Variants in FARS2 observed in about 807,000 individuals in gnomAD.
FARS2 encodes the protein phenylalanyl-tRNA synthetase 2, mitochondrial, also known as phenylalanine--tRNA ligase, mitochondrial.
FARS2 carries 40 observed loss-of-function variants against 46.4 expected under a neutral mutation model. That is an observed-to-expected ratio of 0.86 (90% CI 0.67 to 1.12). The LOEUF (loss-of-function observed/expected upper bound fraction) is 1.12. FARS2 is among the 50% of genes most tolerant of loss of function. The pLI is 0.00. For missense variants in FARS2, 513 were observed against 567.9 expected, an observed-to-expected ratio of 0.90 and a Z score of 0.98; for synonymous variants, 234 against 214.9, an observed-to-expected ratio of 1.09 and a Z score of -0.78.
chr6:5,554,506 ATATGAGGCCTGGGAGTTTCTT>A (rs1245487396), intron 5 of FARS2, among the ~76,000 whole-genome samples: 1 of 152,198 alleles, frequency 6.6e-6, no homozygotes, highest in Non-Finnish European at 1.5e-5. Flanking sequence ...GTGCTGCATG[ATATGAGGCCTGGGAGTTTCTT>A]AAGGCCAGGA....
At chr6:5,480,321 T>C (rs1766378248) in intron 4 of FARS2, among the ~76,000 whole-genome samples, 1 of 152,186 alleles carries the variant, frequency 6.6e-6, no homozygotes, top group South Asian at 2.1e-4. Context: ...AAGTGGAGGA[T>C]GTAATTTGTC....
intron 6 of FARS2, among the ~76,000 whole-genome samples, chr6:5,653,967 C>A (rs1777491620): frequency 6.6e-6 from 1 of 152,146 alleles, no homozygotes; most frequent in Non-Finnish European, 1.5e-5. Flanking sequence ...CTGGGCAGTC[C>A]TTGGCAGTCT....
intron 6 of FARS2, among the ~76,000 whole-genome samples, chr6:5,706,559 C>T (rs1047535133): frequency 3.3e-5 from 5 of 152,176 alleles, no homozygotes; most frequent in Non-Finnish European, 5.9e-5. Flanking sequence ...GGAGTCCTGA[C>T]AGTAGCCCAG....
At chr6:5,348,804 A>G (rs914312001) in intron 1 of FARS2, among the ~76,000 whole-genome samples, 1 of 152,124 alleles carries the variant, frequency 6.6e-6, no homozygotes, top group East Asian at 1.9e-4. Flanking sequence ...AAAACTCTCA[A>G]CAAACTAGGG....
At chr6:5,326,867 A>G (rs936306673) in intron 1 of FARS2, among the ~76,000 whole-genome samples, 2 of 152,232 alleles carry the variant, frequency 1.3e-5, no homozygotes, top group Admixed American at 1.3e-4. Context: ...TACACTTAGC[A>G]TTAATTTACA....
At chr6:5,539,522 G>A (rs369293603) in intron 4 of FARS2, among the ~76,000 whole-genome samples, 40 of 151,496 alleles carry the variant, frequency 2.6e-4, no homozygotes, top group Non-Finnish European at 5.3e-4. Context: ...GTGAGCTACC[G>A]CACTCGGCCA....
chr6:5,532,068 A>G (rs1769876737), intron 4 of FARS2, among the ~76,000 whole-genome samples: 1 of 152,192 alleles, frequency 6.6e-6, no homozygotes, highest in African/African-American at 2.4e-5. Context: ...ATAAAACCCA[A>G]CATTCAGAAG....
intron 4 of FARS2, chr6:5,466,639 T>C: frequency 2.0e-6 from 2 of 985,408 alleles, no homozygotes; most frequent in African/African-American, 1.7e-5. Flanking sequence ...CACTGAGAGC[T>C]CATTCTCAGG....
intron 6 of FARS2, among the ~76,000 whole-genome samples, chr6:5,717,701 G>A (rs868112959): frequency 1.4e-4 from 22 of 151,822 alleles, no homozygotes; most frequent in Admixed American, 2.6e-4. Context: ...GTTGTTAACT[G>A]AATATATTTA....
intron 6 of FARS2, among the ~76,000 whole-genome samples, chr6:5,682,842 G>A (rs920327271): frequency 1.3e-5 from 2 of 152,214 alleles, no homozygotes; most frequent in Admixed American, 6.5e-5. Flanking sequence ...GTAAAGGAGT[G>A]TGTGGGGCAG....
chr6:5,760,024 T>C (rs1762402482), intron 6 of FARS2, among the ~76,000 whole-genome samples: 1 of 152,216 alleles, frequency 6.6e-6, no homozygotes, highest in Non-Finnish European at 1.5e-5. Context: ...CCCTCTTCCC[T>C]TCAATCTCTC....
At chr6:5,305,092 GA>G (rs1768602054) in intron 1 of FARS2, among the ~76,000 whole-genome samples, 1 of 152,194 alleles carries the variant, frequency 6.6e-6, no homozygotes, top group Non-Finnish European at 1.5e-5. Context: ...TTTGGGTGCT[GA>G]ATGGAGTGCT....
At chr6:5,400,627 A>G (rs72815692) in intron 2 of FARS2, among the ~76,000 whole-genome samples, 66 of 150,536 alleles carry the variant, frequency 4.4e-4, no homozygotes, top group African/African-American at 8.3e-4. Flanking sequence ...ATATGTGTGT[A>G]TGTGTGTGTG....
intron 6 of FARS2, among the ~76,000 whole-genome samples, chr6:5,614,177 G>A (rs1775336521): frequency 6.6e-6 from 1 of 152,146 alleles, no homozygotes; most frequent in South Asian, 2.1e-4. Context: ...AGAAGGATAG[G>A]AGCAGAGAGA....
intron 3 of FARS2, among the ~76,000 whole-genome samples, chr6:5,426,966 A>G (rs983926361): frequency 6.6e-6 from 1 of 152,204 alleles, no homozygotes; most frequent in Non-Finnish European, 1.5e-5. Context: ...GTGTAAGAAA[A>G]TATGGTATAT....
chr6:5,692,766 A>C (rs1757837492), intron 6 of FARS2, among the ~76,000 whole-genome samples: 10 of 152,220 alleles, frequency 6.6e-5, no homozygotes, highest in Admixed American at 6.5e-4. Flanking sequence ...ACCTGTGAAC[A>C]TGTGGGATAT....
intron 1 of FARS2, among the ~76,000 whole-genome samples, chr6:5,264,568 G>T (rs1260106947): frequency 6.6e-6 from 1 of 151,252 alleles, no homozygotes; most frequent in Admixed American, 6.6e-5. Flanking sequence ...ATCTCGTCCG[G>T]CTAATTTTTT....
At chr6:5,397,468 T>G (rs1391153146) in intron 2 of FARS2, among the ~76,000 whole-genome samples, 2 of 152,198 alleles carry the variant, frequency 1.3e-5, no homozygotes, top group Non-Finnish European at 2.9e-5. Context: ...TGTGTCAGTG[T>G]AAGTCCATCT....
At chr6:5,720,815 G>A (rs1008178541) in intron 6 of FARS2, among the ~76,000 whole-genome samples, 1 of 152,220 alleles carries the variant, frequency 6.6e-6, no homozygotes, top group Non-Finnish European at 1.5e-5. Flanking sequence ...GGGAGGTGGA[G>A]GCAGAAGGAT....
Sources: gnomAD v4.1 joint callset for allele counts (sites outside exome capture counted in the v4.1 genomes callset) on GRCh38, gnomAD v4.1.1 for gene constraint, MANE v1.5 for transcripts, NCBI Gene and HGNC (gene_info 2026-07-23, HGNC 2026-07-21) for gene names.